Variants in RB1CC1 observed in about 807,000 individuals in gnomAD.
The protein encoded by RB1CC1 is RB1-inducible coiled-coil protein 1.
RB1CC1 carries 46 observed loss-of-function variants against 177.5 expected under a neutral mutation model. The ratio of observed to expected loss-of-function variants is 0.26; its 90% CI spans 0.20 to 0.33. The LOEUF (loss-of-function observed/expected upper bound fraction) is 0.33, where lower values mean the gene tolerates loss of function less well. RB1CC1 is among the 10% of genes least tolerant of loss of function. RB1CC1 has a pLI of 1.00. For missense variants in RB1CC1, 1,703 were observed against 1,816.3 expected (o/e 0.94, Z 1.13); for synonymous variants, 666 against 613.6 (o/e 1.09, Z -1.26).
Position 52,658,973 on chromosome 8 carries a change from G to GAAA in RB1CC1, c.1692_1693insTTT (p.Thr564_Gln565insPhe). On this transcript the variant is annotated inframe_insertion, in exon 13 of 24. Transcript: ENST00000025008. ...TCACAGTCAAACTTTCGAGGCTTTT[G>GAAA]AGTCTGTACCAAAAAAATTAATTAC... 6.6e-7 allele frequency: 1 copy of GAAA among 1,507,204 alleles called. No individual in the cohort carries two copies. The highest frequency in any genetic ancestry group is 8.9e-7 in the Non-Finnish European group (1 of 1,126,456). 93.4% of individuals were successfully genotyped at this position (1,507,204 alleles called of 1,614,324 possible).
In RB1CC1 at chr8:52,681,669, G is replaced by A. The variant is rs754282772; in HGVS notation, c.369+1880C>T. 4.5e-4 allele frequency among the ~76,000 whole-genome samples: 68 copies of A among 152,158 alleles called. 1 individual carries two copies. Among genetic ancestry groups the A allele is most frequent in the Admixed American group, 3.2e-3 (49 of 15,280 alleles). ...AAAGAGGCCAGGTATGCTGATTCAC[G>A]CCTATAATCCCAGCACTTAGGGAGG... On this transcript the variant is annotated intron_variant, in intron 5 of 23. Transcript: ENST00000025008.
chr8:52,649,060 T>C (rs1295603269), intron 15 of RB1CC1, among the ~76,000 whole-genome samples: 1 of 152,188 alleles, frequency 6.6e-6, no homozygotes, highest in Non-Finnish European at 1.5e-5. Flanking sequence ...TCAGGAATTG[T>C]TTATTTCATT....
intron 1 of RB1CC1, among the ~76,000 whole-genome samples, chr8:52,690,221 C>T (rs1276516334): frequency 6.6e-6 from 1 of 152,214 alleles, no homozygotes; most frequent in African/African-American, 2.4e-5. Context: ...CTTTATCTTA[C>T]AGCTTTATCT....
In RB1CC1 at chr8:52,656,238, T is replaced by C; in HGVS notation, c.3591A>G (p.Lys1197=). ...CGTATTTCTCTTCTTGTTGGGTAAT[T>C]TTTTCATCTTTTTGTCTTTCAAGAG... is the stretch of plus-strand genomic sequence containing the variant. ...LSALERQKDE[K]ITQQEEKYEA... is the part of the protein sequence containing the mutation. The change falls in exon 15 of 24, where the codon AAA becomes AAG. Residue 1197 remains lysine (K), a synonymous_variant. Transcript: ENST00000025008. The C allele has an allele frequency of 6.2e-7, 1 of 1,613,302 alleles. No individual in the cohort carries two copies. The highest frequency in any genetic ancestry group is 2.2e-5 in the East Asian group (1 of 44,820).
chr8:52,666,479 C>T (rs1227177121), intron 8 of RB1CC1, among the ~76,000 whole-genome samples: 9 of 151,208 alleles, frequency 6.0e-5, no homozygotes, highest in Admixed American at 5.9e-4. Context: ...GATAGCGCCA[C>T]TGCACTCTAG....
In RB1CC1 at chr8:52,677,171, T is replaced by C. The variant is rs528842954; in HGVS notation, c.370-600A>G. Reference sequence around the variant, plus strand: ...TAAAGAAGTCCACTGTTATAAAATATTTTAGTTGGCAAGGAAATAAGACAG... The same window carrying C: ...TAAAGAAGTCCACTGTTATAAAATACTTTAGTTGGCAAGGAAATAAGACAG... On this transcript the variant is annotated intron_variant, in intron 5 of 23. Coordinates refer to ENST00000025008, the MANE Select transcript of RB1CC1 (RefSeq NM_014781.5). 2.6e-5 allele frequency among the ~76,000 whole-genome samples: 4 copies of C among 152,320 alleles called. No individual in the cohort carries two copies. The East Asian group carries it at 7.7e-4, about 29-fold the overall frequency.
intron 1 of RB1CC1, among the ~76,000 whole-genome samples, chr8:52,697,138 T>C (rs1855487540): frequency 1.3e-5 from 2 of 152,100 alleles, no homozygotes; most frequent in Admixed American, 6.6e-5. Context: ...TCTGAAAAAG[T>C]AAACCTGAAT....
intron 5 of RB1CC1, among the ~76,000 whole-genome samples, chr8:52,677,483 T>C (rs1473215306): frequency 2.6e-5 from 4 of 152,072 alleles, no homozygotes; most frequent in Non-Finnish European, 4.4e-5. Flanking sequence ...GAAGGAGGAA[T>C]TGGACTTTAC....
At chr8:52,675,066 A>G (rs1489212263) in intron 6 of RB1CC1, among the ~76,000 whole-genome samples, 1 of 152,332 alleles carries the variant, frequency 6.6e-6, no homozygotes, top group East Asian at 1.9e-4. Flanking sequence ...TTTAACTTCT[A>G]TAAAATGATG....
intron 5 of RB1CC1, among the ~76,000 whole-genome samples, chr8:52,681,177 A>C: frequency 6.6e-6 from 1 of 150,392 alleles, no homozygotes; most frequent in South Asian, 2.1e-4. Context: ...TTTTTTTTTT[A>C]AGTAGAGACA....
At chr8:52,665,802 G>A (rs1188240713) in intron 8 of RB1CC1, among the ~76,000 whole-genome samples, 1 of 152,152 alleles carries the variant, frequency 6.6e-6, no homozygotes, top group Non-Finnish European at 1.5e-5. Flanking sequence ...AATGCCATTT[G>A]CTCTGAAGAA....
intron 5 of RB1CC1, among the ~76,000 whole-genome samples, chr8:52,682,581 AAT>A (rs1363243590): frequency 2.0e-5 from 3 of 151,964 alleles, no homozygotes; most frequent in African/African-American, 4.8e-5. Flanking sequence ...TCTTTCGTTG[AAT>A]ATAGTTTTAA....
At chr8:52,671,856 G>C (rs1461139950) in intron 7 of RB1CC1, among the ~76,000 whole-genome samples, 1 of 151,824 alleles carries the variant, frequency 6.6e-6, no homozygotes, top group African/African-American at 2.4e-5. Context: ...CCTCCTGATA[G>C]AGTAAGTAAA....
chr8:52,653,601 G>A (rs1222830210), intron 15 of RB1CC1, among the ~76,000 whole-genome samples: 1 of 152,230 alleles, frequency 6.6e-6, no homozygotes, highest in East Asian at 1.9e-4. Context: ...GGTCCACTAG[G>A]AGGAGGAGAT....
chr8:52,713,877 G>A (rs1857272568), intron 1 of RB1CC1, among the ~76,000 whole-genome samples, 198 bp downstream of exon 1: 1 of 152,176 alleles, frequency 6.6e-6, no homozygotes, highest in Middle Eastern at 3.2e-3. Flanking sequence ...AGGGGCTGTC[G>A]CGCCGGGAAA....
At chr8:52,641,924 T>C (rs1310314338) in intron 18 of RB1CC1, among the ~76,000 whole-genome samples, 1 of 152,100 alleles carries the variant, frequency 6.6e-6, no homozygotes, top group East Asian at 1.9e-4. Flanking sequence ...ACGATTTCAA[T>C]GTAATGCAGT....
chr8:52,659,910 CAGCT>C (rs1851463250), intron 12 of RB1CC1, among the ~76,000 whole-genome samples: 1 of 152,086 alleles, frequency 6.6e-6, no homozygotes, highest in Admixed American at 6.5e-5. Context: ...GGCACAAGAA[CAGCT>C]TGAACCCAGG....
intron 3 of RB1CC1, 42 bp from the exon 4 acceptor site, chr8:52,684,055 C>T (rs925186727): frequency 1.3e-6 from 2 of 1,573,540 alleles, no homozygotes; most frequent in Admixed American, 3.6e-5. Context: ...TTTATATTTG[C>T]CCAATGACTT....
In RB1CC1 at chr8:52,626,321, G is replaced by A. The variant is rs536678356; in HGVS notation, c.4637-1534C>T. ...AGTACTTGTGAAAGCCTTTAAAATG[G>A]CAGTGTGCATTTTTAAAAAAGTTTT... On this transcript the variant is annotated intron_variant, in intron 22 of 23. Transcript: ENST00000025008. Among the ~76,000 whole-genome samples the A allele has an allele frequency of 3.3e-5, 5 of 152,260 alleles. No individual in the cohort carries two copies. The South Asian group carries it at 1.0e-3, about 32-fold the overall frequency.
Sources: gnomAD v4.1 joint callset for allele counts (sites outside exome capture counted in the v4.1 genomes callset) on GRCh38, gnomAD v4.1.1 for gene constraint, MANE v1.5 for transcripts, NCBI Gene and HGNC (gene_info 2026-07-23, HGNC 2026-07-21) for gene names.